Variants in PPM1L observed in about 807,000 individuals in gnomAD.
PPM1L encodes protein phosphatase, Mg2+/Mn2+ dependent 1L.
Under a neutral mutation model 31.4 loss-of-function variants are expected in PPM1L, and 13 were observed. The observed-to-expected ratio is 0.41, with a 90% CI of 0.27 to 0.66. PPM1L has a LOEUF of 0.66. PPM1L is among the 30% of genes least tolerant of loss of function. PPM1L has a pLI of 0.29. For synonymous variants in PPM1L, 184 were observed against 175.4 expected, an observed-to-expected ratio of 1.05 and a Z score of -0.39; for missense variants, 326 against 453.7, an observed-to-expected ratio of 0.72 and a Z score of 2.56.
At chr3:160,934,759 C>G (rs1038726976) in intron 1 of PPM1L, among the ~76,000 whole-genome samples, 1 of 151,996 alleles carries the variant, frequency 6.6e-6, no homozygotes, top group African/African-American at 2.4e-5. Flanking sequence ...TTGAGACACG[C>G]CTGGGCAATG....
At chr3:160,922,048 C>T (rs573470347) in intron 1 of PPM1L, among the ~76,000 whole-genome samples, 42 of 152,272 alleles carry the variant, frequency 2.8e-4, no homozygotes, top group African/African-American at 9.4e-4. Flanking sequence ...CGGTGGCTCA[C>T]ACCTGTAATC....
chr3:160,907,690 A>G (rs905365603), intron 1 of PPM1L, among the ~76,000 whole-genome samples: 5 of 152,220 alleles, frequency 3.3e-5, no homozygotes, highest in African/African-American at 4.8e-5. Context: ...AAAAGGGATG[A>G]TAAAGTGTTC....
intron 1 of PPM1L, among the ~76,000 whole-genome samples, chr3:160,764,275 G>A (rs2108056657): frequency 6.6e-6 from 1 of 152,204 alleles, no homozygotes; most frequent in Admixed American, 6.5e-5. Context: ...GGGACTATAG[G>A]CATGTGCCAC....
intron 1 of PPM1L, among the ~76,000 whole-genome samples, chr3:160,919,739 T>G (rs1714323411): frequency 6.6e-6 from 1 of 152,138 alleles, no homozygotes; most frequent in Non-Finnish European, 1.5e-5. Flanking sequence ...ATATCCCCCT[T>G]TCAGAAAAAA....
intron 1 of PPM1L, among the ~76,000 whole-genome samples, chr3:160,812,205 C>T (rs1712833687): frequency 1.3e-5 from 2 of 152,136 alleles, no homozygotes; most frequent in Non-Finnish European, 2.9e-5. Flanking sequence ...TAATCTGCTG[C>T]CAAGAACGGT....
chr3:160,847,417 T>C (rs1293075977), intron 1 of PPM1L, among the ~76,000 whole-genome samples: 1 of 152,190 alleles, frequency 6.6e-6, no homozygotes, highest in Non-Finnish European at 1.5e-5. Flanking sequence ...TGCTCAATTG[T>C]GATCTCAGCT....
At chr3:160,927,613 T>C (rs1250625403) in intron 1 of PPM1L, among the ~76,000 whole-genome samples, 1 of 151,972 alleles carries the variant, frequency 6.6e-6, no homozygotes, top group Non-Finnish European at 1.5e-5. Flanking sequence ...CCTATGTGTG[T>C]GTGTGTGTGT....
chr3:160,891,670 T>C (rs1400089881), intron 1 of PPM1L, among the ~76,000 whole-genome samples: 1 of 152,196 alleles, frequency 6.6e-6, no homozygotes, highest in African/African-American at 2.4e-5. Context: ...GGAATATTAA[T>C]CATTCTACTA....
intron 1 of PPM1L, among the ~76,000 whole-genome samples, chr3:160,814,530 T>C (rs146497377): frequency 0.032 from 3,066 of 96,738 alleles, 61 homozygotes; most frequent in Non-Finnish European, 0.04. Flanking sequence ...CACACACATA[T>C]GTATGTATGT....
chr3:160,849,889 C>T (rs924135705), intron 1 of PPM1L, among the ~76,000 whole-genome samples: 2 of 152,180 alleles, frequency 1.3e-5, no homozygotes, highest in Admixed American at 6.5e-5. Flanking sequence ...CCTTGTCTTC[C>T]ATACACTCAC....
intron 1 of PPM1L, among the ~76,000 whole-genome samples, chr3:160,917,540 A>G (rs1275017232): frequency 1.3e-5 from 2 of 152,108 alleles, no homozygotes; most frequent in South Asian, 2.1e-4. Context: ...AATTCCTCCA[A>G]TATCACTCAG....
At chr3:160,999,324 C>A (rs1442211024) in intron 2 of PPM1L, among the ~76,000 whole-genome samples, 1 of 152,174 alleles carries the variant, frequency 6.6e-6, no homozygotes, top group Non-Finnish European at 1.5e-5. Context: ...ACCCTATACT[C>A]TAATAAAGCT....
intron 1 of PPM1L, among the ~76,000 whole-genome samples, chr3:160,808,443 C>A (rs144631099): frequency 0.018 from 2,588 of 140,420 alleles, 187 homozygotes; most frequent in African/African-American, 0.071. Context: ...GGAAGCTGGG[C>A]TTCATAAGAG....
intron 2 of PPM1L, among the ~76,000 whole-genome samples, chr3:161,027,770 A>G (rs1177723437): frequency 6.6e-5 from 10 of 152,218 alleles, no homozygotes; most frequent in Non-Finnish European, 5.9e-5. Context: ...AAGTCCCTCC[A>G]GGTGAATCTT....
chr3:160,937,047 A>G (rs1714995298), intron 1 of PPM1L, among the ~76,000 whole-genome samples: 1 of 151,300 alleles, frequency 6.6e-6, no homozygotes, highest in South Asian at 2.1e-4. Context: ...AACCGTCAGC[A>G]CTTGTGAACA....
chr3:160,900,125 A>T (rs1321849529), intron 1 of PPM1L, among the ~76,000 whole-genome samples: 3 of 152,114 alleles, frequency 2.0e-5, no homozygotes, highest in Non-Finnish European at 4.4e-5. Context: ...TTTGCTTTAA[A>T]TTCACTCTGT....
At chr3:161,000,304 G>C (rs1231752156) in intron 2 of PPM1L, among the ~76,000 whole-genome samples, 2 of 152,142 alleles carry the variant, frequency 1.3e-5, no homozygotes, top group African/African-American at 4.8e-5. Flanking sequence ...ATTCAAAGTA[G>C]ATCTTAAAGA....
chr3:160,934,880 G>T (rs1338227651), intron 1 of PPM1L, among the ~76,000 whole-genome samples: 2 of 151,960 alleles, frequency 1.3e-5, no homozygotes, highest in Non-Finnish European at 2.9e-5. Flanking sequence ...TTGAGTCCAG[G>T]GGGGTTGCAG....
intron 1 of PPM1L, among the ~76,000 whole-genome samples, chr3:160,899,777 G>A (rs750928931): frequency 1.3e-5 from 2 of 152,108 alleles, no homozygotes; most frequent in Non-Finnish European, 2.9e-5. Flanking sequence ...GGTTTTCTAT[G>A]TGGCCTGTGA....
Sources: gnomAD v4.1 joint callset for allele counts (sites outside exome capture counted in the v4.1 genomes callset) on GRCh38, gnomAD v4.1.1 for gene constraint, MANE v1.5 for transcripts, NCBI Gene and HGNC (gene_info 2026-07-23, HGNC 2026-07-21) for gene names.